FRMPD2: variants seen among roughly 807,000 people sequenced by gnomAD.
FRMPD2 encodes the protein FERM and PDZ domain containing 2.
FRMPD2 carries 96 observed loss-of-function variants against 140.1 expected under a neutral mutation model. That is an observed-to-expected ratio of 0.69 (90% CI 0.58 to 0.81). The LOEUF (loss-of-function observed/expected upper bound fraction) is 0.81, where lower values mean the gene tolerates loss of function less well. Among genes scored for constraint, FRMPD2 ranks in the 40% least tolerant of loss-of-function variants. The probability of loss-of-function intolerance (pLI) is 0.00; values close to 1 mark genes in which losing one functional copy is unlikely to be tolerated. For missense variants in FRMPD2, 1,240 were observed against 1,447.4 expected (o/e 0.86, Z 2.32); for synonymous variants, 449 against 547.6 (o/e 0.82, Z 2.52).
chr10:48,158,033 C>T (rs1554790441), intron 28 of FRMPD2, among the ~76,000 whole-genome samples: 3 of 144,634 alleles, frequency 2.1e-5, no homozygotes, highest in African/African-American at 7.9e-5. Flanking sequence ...AGTGTCCACA[C>T]CTCACCTCCC....
chr10:48,208,781 C>T (rs1014287497), intron 13 of FRMPD2, among the ~76,000 whole-genome samples: 1 of 152,184 alleles, frequency 6.6e-6, no homozygotes, highest in Non-Finnish European at 1.5e-5. Context: ...ATTTCCTCTC[C>T]ATGTGCTTTG....
At chr10:48,202,541 G>A (rs1181215641) in intron 14 of FRMPD2, among the ~76,000 whole-genome samples, 5 of 152,116 alleles carry the variant, frequency 3.3e-5, no homozygotes, top group Non-Finnish European at 7.4e-5. Flanking sequence ...GTGCTAATAG[G>A]AATGGATTCT....
intron 16 of FRMPD2, among the ~76,000 whole-genome samples, chr10:48,188,709 G>T (rs1838754303): frequency 6.6e-6 from 1 of 152,228 alleles, no homozygotes; most frequent in Admixed American, 6.5e-5. Context: ...AGGCGATGAT[G>T]CTGAGGTGGC....
chr10:48,183,621 C>CG (rs1838601958), intron 20 of FRMPD2, among the ~76,000 whole-genome samples: 1 of 152,030 alleles, frequency 6.6e-6, no homozygotes, highest in Admixed American at 6.6e-5. Flanking sequence ...GAGGCTGAGG[C>CG]GGGCAGATCA....
chr10:48,251,442 C>T (rs2131968488), intron 2 of FRMPD2, 124 bp downstream of exon 2: 2 of 1,188,666 alleles, frequency 1.7e-6, no homozygotes, highest in East Asian at 4.8e-5. Flanking sequence ...GATCAAGCAG[C>T]AGCAACCTTG....
At chr10:48,235,447 C>A (rs1200894737) in intron 9 of FRMPD2, among the ~76,000 whole-genome samples, 1 of 152,210 alleles carries the variant, frequency 6.6e-6, no homozygotes, top group Non-Finnish European at 1.5e-5. Flanking sequence ...GATGTCAGTG[C>A]ACTGCAACAG....
At chr10:48,189,929 C>G (rs1838789408) in intron 16 of FRMPD2, among the ~76,000 whole-genome samples, 1 of 152,164 alleles carries the variant, frequency 6.6e-6, no homozygotes, top group Non-Finnish European at 1.5e-5. Context: ...CACAGCCACC[C>G]AGTGGGGAGG....
chr10:48,225,327 T>C (rs1839698336), intron 10 of FRMPD2, among the ~76,000 whole-genome samples: 1 of 152,026 alleles, frequency 6.6e-6, no homozygotes, highest in African/African-American at 2.4e-5. Context: ...TACCGAAAAA[T>C]ACCACAGGAA....
At chr10:48,270,786 G>A (rs1881734) in intron 1 of FRMPD2, among the ~76,000 whole-genome samples, 16,988 of 151,686 alleles carry the variant, frequency 0.11, 1,825 homozygotes, top group African/African-American at 0.28. Context: ...ACATTCAGAC[G>A]ACATTTTTGT....
At chr10:48,206,552 G>T (rs530450421) in intron 14 of FRMPD2, among the ~76,000 whole-genome samples, 196 bp downstream of exon 14, 2 of 152,164 alleles carry the variant, frequency 1.3e-5, no homozygotes, top group Non-Finnish European at 2.9e-5. Context: ...GGCCTCCTGA[G>T]GACCTCCCAA....
rs369567224 is a variant in FRMPD2 at position 48,240,331 on chromosome 10, C to T, written c.700+29G>A. 3.6e-5 allele frequency: 57 copies of T among 1,604,074 alleles called. 1 individual carries two copies. Among genetic ancestry groups the T allele is most frequent in the South Asian group, 1.8e-4 (16 of 90,916 alleles). ...AAATAGAATGGGTACCATCAGCCCA[C>T]GCAGGGACTGCTTAGGGCACGTACC... On this transcript the variant is annotated intron_variant, in intron 6 of 28. Transcript: ENST00000374201.
At chr10:48,263,420 A>C (rs1588861099) in intron 1 of FRMPD2, among the ~76,000 whole-genome samples, 1 of 152,086 alleles carries the variant, frequency 6.6e-6, no homozygotes, top group East Asian at 1.9e-4. Context: ...CCCATAGCCA[A>C]GTAACCAAGA....
At chr10:48,181,321 A>T (rs1302911028) in intron 20 of FRMPD2, among the ~76,000 whole-genome samples, 1 of 152,292 alleles carries the variant, frequency 6.6e-6, no homozygotes, top group African/African-American at 2.4e-5. Flanking sequence ...ATATACATAT[A>T]GGAAGATATG....
intron 20 of FRMPD2, 22 bp downstream of exon 20, chr10:48,184,544 C>T: frequency 3.3e-6 from 5 of 1,497,096 alleles, no homozygotes; most frequent in Non-Finnish European, 4.7e-6. Flanking sequence ...TCTTAAGCTC[C>T]CAAGAGTGGG....
At chr10:48,211,010 G>A (rs928320239) in intron 13 of FRMPD2, among the ~76,000 whole-genome samples, 1 of 152,262 alleles carries the variant, frequency 6.6e-6, no homozygotes, top group African/African-American at 2.4e-5. Flanking sequence ...CACAGGCAGA[G>A]TAGCCACTCT....
At chr10:48,164,142 A>G (rs1261910233) in intron 27 of FRMPD2, among the ~76,000 whole-genome samples, 2 of 150,198 alleles carry the variant, frequency 1.3e-5, no homozygotes, top group South Asian at 4.2e-4. Flanking sequence ...CCTCCCTGTC[A>G]GCCTTTTAGG....
At chr10:48,234,806 G>C (rs994236859) in intron 9 of FRMPD2, among the ~76,000 whole-genome samples, 1 of 152,108 alleles carries the variant, frequency 6.6e-6, no homozygotes, top group Non-Finnish European at 1.5e-5. Context: ...CAAGATGCTC[G>C]CCCCAGACAG....
intron 15 of FRMPD2, 158 bp from the exon 16 acceptor site, chr10:48,193,052 G>A (rs111717239): frequency 2.0e-4 from 123 of 627,586 alleles, no homozygotes; most frequent in Admixed American, 1.8e-3. Context: ...GGAATGCAAG[G>A]TCTCCTAATT....
intron 1 of FRMPD2, among the ~76,000 whole-genome samples, chr10:48,269,002 G>C (rs1237549801): frequency 1.3e-5 from 2 of 151,980 alleles, no homozygotes; most frequent in East Asian, 3.9e-4. Flanking sequence ...CAACAGATTA[G>C]GAGAAAATAT....
Sources: gnomAD v4.1 joint callset for allele counts (sites outside exome capture counted in the v4.1 genomes callset) on GRCh38, gnomAD v4.1.1 for gene constraint, MANE v1.5 for transcripts, NCBI Gene and HGNC (gene_info 2026-07-23, HGNC 2026-07-21) for gene names.